USP45: variants seen among roughly 807,000 people sequenced by gnomAD.
USP45 encodes ubiquitin carboxyl-terminal hydrolase 45.
USP45 carries 89 observed loss-of-function variants against 95.8 expected under a neutral mutation model. The observed-to-expected ratio is 0.93, with a 90% CI of 0.78 to 1.11. The LOEUF is 1.11. Ranked by LOEUF, USP45 falls within the 50% of genes least tolerant of loss-of-function variation. The pLI, the probability that USP45 is intolerant of heterozygous loss-of-function variation, is 0.00. For synonymous variants in USP45, 281 were observed against 316.2 expected, an observed-to-expected ratio of 0.89 and a Z score of 1.18; for missense variants, 898 against 942.5, an observed-to-expected ratio of 0.95 and a Z score of 0.62.
intron 17 of USP45, 58 bp downstream of exon 17, chr6:99,437,188 G>C (rs1183756321): frequency 1.3e-6 from 2 of 1,525,660 alleles, no homozygotes; most frequent in Non-Finnish European, 1.8e-6. Flanking sequence ...AGCTCTCCCA[G>C]AAAAGGAAGC....
At chr6:99,500,125 T>C (rs912876810) in intron 5 of USP45, among the ~76,000 whole-genome samples, 2 of 151,852 alleles carry the variant, frequency 1.3e-5, no homozygotes, top group Admixed American at 6.7e-5. Context: ...AGCCATCTAC[T>C]GTCTTTTTTT....
intron 13 of USP45, chr6:99,460,702 TAGAA>T (rs1021771140): frequency 6.2e-6 from 5 of 804,940 alleles, no homozygotes; most frequent in Non-Finnish European, 7.5e-6. Flanking sequence ...GGTAAAATAA[TAGAA>T]AGATTGAAAT....
At chr6:99,477,400 T>C (rs917081232) in intron 8 of USP45, among the ~76,000 whole-genome samples, 3 of 152,058 alleles carry the variant, frequency 2.0e-5, no homozygotes, top group Non-Finnish European at 4.4e-5. Flanking sequence ...GCCTCCTGGG[T>C]TCAAGCAATT....
chr6:99,440,407 T>TTTTCTAA (rs1302682242), intron 15 of USP45, among the ~76,000 whole-genome samples: 2 of 152,198 alleles, frequency 1.3e-5, no homozygotes, highest in African/African-American at 4.8e-5. Flanking sequence ...TATGCTCTCT[T>TTTTCTAA]TTTCTAATTT....
rs946042563 is a variant in USP45 at position 99,433,081 on chromosome 6, T to A, written c.*2635A>T. ...GATCATGGTTCACTGCACCTTGACC[T>A]CCTGGGCTCAAGCATCTTCCCCACT... On this transcript the variant is annotated 3_prime_UTR_variant, in exon 18 of 18. Transcript: ENST00000500704. The A allele has an allele frequency of 6.6e-6, 1 of 152,136 alleles. No homozygotes were observed. Among genetic ancestry groups the A allele is most frequent in the South Asian group, 2.1e-4 (1 of 4,828 alleles). The allele number at this position is 152,136 out of a possible 1,614,324, so 9.4% of individuals were successfully genotyped here.
At chr6:99,510,004 G>A (rs1799425290) in intron 2 of USP45, 117 bp downstream of exon 2, 2 of 763,458 alleles carry the variant, frequency 2.6e-6, no homozygotes, top group South Asian at 3.5e-5. Context: ...TCTAGGTTTG[G>A]TGGAAAAAAA....
In USP45 at chr6:99,508,712, A is replaced by T. The variant is rs751614689; in HGVS notation, c.171T>A (p.Asn57Lys). The T allele has an allele frequency of 1.9e-5, 31 of 1,613,680 alleles. No individual in the cohort carries two copies. Residue 57 changes from asparagine to lysine, a missense_variant, in exon 3 of 18, where the codon AAT (asparagine) becomes AAA (lysine). Physicochemically the swap from Asn to Lys is moderately conservative, Grantham distance 94. Transcript: ENST00000500704. ...AACATTCTGAGCAAACTGACCACAG[A>T]TTCTCAGCTATTGCTCTCTTTACAT... ...VNHVKRAIAE[N>K]LWSVCSECLK...
chr6:99,464,975 A>AT (rs1787556512), intron 12 of USP45, 105 bp downstream of exon 12: 1 of 1,054,628 alleles, frequency 9.5e-7, no homozygotes, highest in Non-Finnish European at 1.3e-6. Flanking sequence ...AATTATATAT[A>AT]AAAAATAATG....
At chr6:99,453,141 C>T (rs554611273) in intron 13 of USP45, among the ~76,000 whole-genome samples, 8 of 143,058 alleles carry the variant, frequency 5.6e-5, no homozygotes, top group Non-Finnish European at 1.0e-4. Flanking sequence ...CAAACCTGCA[C>T]GTTGTGCACA....
At chr6:99,482,918 T>C in intron 7 of USP45, 35 bp from the exon 8 acceptor site, 1 of 1,412,890 alleles carries the variant, frequency 7.1e-7, no homozygotes, top group South Asian at 1.9e-5. Flanking sequence ...GTCAGAAATG[T>C]ACAATTTAAA....
At chr6:99,439,262 C>A (rs1781068068) in intron 16 of USP45, among the ~76,000 whole-genome samples, 1 of 152,154 alleles carries the variant, frequency 6.6e-6, no homozygotes, top group Non-Finnish European at 1.5e-5. Flanking sequence ...GTAAAATAAG[C>A]AATGATAAGC....
At chr6:99,501,986 G>T (rs991816040) in intron 5 of USP45, 1 of 1,303,046 alleles carries the variant, frequency 7.7e-7, no homozygotes, top group African/African-American at 1.5e-5. Flanking sequence ...ATGCTGAAGA[G>T]ATGAATCAGG....
intron 13 of USP45, among the ~76,000 whole-genome samples, chr6:99,451,258 A>G (rs1405727840): frequency 1.3e-5 from 2 of 152,224 alleles, no homozygotes; most frequent in African/African-American, 4.8e-5. Flanking sequence ...CTGTTTGCAG[A>G]TGACATGACT....
rs144269307 is a variant in USP45, at chr6:99,488,237, G to A, written c.677C>T (p.Thr226Ile). Residue 226 changes from threonine to isoleucine, a missense_variant, in exon 7 of 18, where the codon ACA becomes ATA. By Grantham distance (89) the Thr-to-Ile change is moderately conservative. Transcript: ENST00000500704. Reference sequence around the variant, plus strand: ...TGAGGAAGGAAAAATCTTGAGTTTTGTACTACTTTCTTTGATCTCATTCAT... The same window carrying A: ...TGAGGAAGGAAAAATCTTGAGTTTTATACTACTTTCTTTGATCTCATTCAT... ...DLMNEIKESS[T>I]KLKIFPSSDS... The A allele has an allele frequency of 2.0e-5, 32 of 1,612,432 alleles. No individual in the cohort carries two copies. The highest frequency in any genetic ancestry group is 4.5e-5 in the East Asian group (2 of 44,780).
chr6:99,455,541 A>G (rs1784858915), intron 13 of USP45, among the ~76,000 whole-genome samples: 1 of 152,144 alleles, frequency 6.6e-6, no homozygotes, highest in South Asian at 2.1e-4. Context: ...TTATCCAAAG[A>G]AAAGAAAACC....
intron 13 of USP45, chr6:99,460,924 T>C: frequency 8.2e-6 from 8 of 977,422 alleles, no homozygotes; most frequent in Non-Finnish European, 9.7e-6. Flanking sequence ...AAACAACAGA[T>C]GGGATGTATA....
At chr6:99,458,298 C>T (rs563351946) in intron 13 of USP45, among the ~76,000 whole-genome samples, 3 of 152,280 alleles carry the variant, frequency 2.0e-5, no homozygotes, top group South Asian at 4.1e-4. Flanking sequence ...GGATTACAGG[C>T]GTGAGCCACC....
At chr6:99,512,380 T>A (rs1204709656) in intron 1 of USP45, among the ~76,000 whole-genome samples, 2 of 152,212 alleles carry the variant, frequency 1.3e-5, no homozygotes, top group African/African-American at 4.8e-5. Context: ...TTATATAATG[T>A]CTCACACTGA....
chr6:99,517,023 C>T (rs926362341), upstream of USP45, among the ~76,000 whole-genome samples: 1 of 152,014 alleles, frequency 6.6e-6, no homozygotes, highest in African/African-American at 2.4e-5. Flanking sequence ...TCTTGATTTC[C>T]ACTAGATAGA....
Sources: gnomAD v4.1 joint callset for allele counts (sites outside exome capture counted in the v4.1 genomes callset) on GRCh38, gnomAD v4.1.1 for gene constraint, MANE v1.5 for transcripts, NCBI Gene and HGNC (gene_info 2026-07-23, HGNC 2026-07-21) for gene names.